POLDIP3: variants seen among roughly 807,000 people sequenced by gnomAD.
The protein encoded by POLDIP3 is DNA polymerase delta interacting protein 3, also known as polymerase delta-interacting protein 3.
In POLDIP3, 14 loss-of-function variants were observed where a neutral mutation model predicts 45.1. That is an observed-to-expected ratio of 0.31 (90% CI 0.20 to 0.49). POLDIP3 has a LOEUF of 0.49. Among genes scored for constraint, POLDIP3 ranks in the 20% least tolerant of loss-of-function variants. The probability of loss-of-function intolerance (pLI) is 0.99; values close to 1 mark genes in which losing one functional copy is unlikely to be tolerated. For synonymous variants in POLDIP3, 223 were observed against 205.2 expected (o/e 1.09, Z -0.74); for missense variants, 511 against 538.8 (o/e 0.95, Z 0.51).
chr22:42,585,587 G>C lies in POLDIP3; in HGVS notation c.*204C>G. On this transcript the variant is annotated 3_prime_UTR_variant, in exon 9 of 9. Coordinates refer to ENST00000252115, the MANE Select transcript of POLDIP3 (RefSeq NM_032311.5). ...CGATGAGATGAAGAAACATACTACAGGAAACGTTAACGTAGAGAGAAGAGC... is the reference window on the plus strand; with the variant it reads ...CGATGAGATGAAGAAACATACTACACGAAACGTTAACGTAGAGAGAAGAGC... 1 of 599,590 alleles carries C rather than the reference G, an allele frequency of 1.7e-6. No homozygotes were observed. Among genetic ancestry groups the C allele is most frequent in the Non-Finnish European group, 2.9e-6 (1 of 342,088 alleles). 37.1% of individuals were successfully genotyped at this position (599,590 alleles called of 1,614,324 possible). A position where few individuals can be genotyped will look rare whatever the true frequency, so the allele number is the denominator to read the frequency against.
chr22:42,602,664 A>C (rs1426290178), intron 2 of POLDIP3, 106 bp downstream of exon 2: 1 of 1,313,406 alleles, frequency 7.6e-7, no homozygotes, highest in Non-Finnish European at 1.0e-6. Flanking sequence ...TATTATGCCA[A>C]CACTTGAGAG....
intron 7 of POLDIP3, among the ~76,000 whole-genome samples, chr22:42,588,677 G>A (rs1925475904): frequency 1.4e-5 from 2 of 147,284 alleles, no homozygotes; most frequent in Non-Finnish European, 3.0e-5. Flanking sequence ...TGCCCAGGCT[G>A]GAGGGCAATG....
chr22:42,601,491 G>C (rs1387036223), intron 3 of POLDIP3, among the ~76,000 whole-genome samples: 1 of 152,032 alleles, frequency 6.6e-6, no homozygotes, highest in Non-Finnish European at 1.5e-5. Flanking sequence ...GGCTGGGTGT[G>C]GTGGCTCACG....
intron 3 of POLDIP3, among the ~76,000 whole-genome samples, chr22:42,600,953 G>A (rs1285212897): frequency 6.6e-6 from 1 of 151,862 alleles, no homozygotes; most frequent in Admixed American, 6.6e-5. Context: ...AAATTAGCCA[G>A]ATGTGGTGGT....
Position 42,595,734 on chromosome 22 carries a change from CA to C in POLDIP3, c.814-121del, listed in dbSNP as rs1925944545. 5 of 840,956 alleles carry C rather than the reference CA, an allele frequency of 5.9e-6. No individual in the cohort carries two copies. The Admixed American group carries it at 1.0e-4, about 17-fold the overall frequency. 52.1% of individuals were successfully genotyped at this position (840,956 alleles called of 1,614,324 possible). ...AGGAAAGCTCCATGGAGAGTTACCA[CA>C]AATGGGCCCCCTGAACTTCAGTGTC... On this transcript the variant is annotated intron_variant, in intron 5 of 8. Transcript: ENST00000252115.
chr22:42,589,089 A>G (rs1925502325), intron 7 of POLDIP3, among the ~76,000 whole-genome samples: 1 of 152,074 alleles, frequency 6.6e-6, no homozygotes, highest in South Asian at 2.1e-4. Context: ...TAAAAATACT[A>G]AAAATTAGCT....
chr22:42,594,982 T>C (rs1024655617), intron 6 of POLDIP3, among the ~76,000 whole-genome samples: 2 of 152,210 alleles, frequency 1.3e-5, no homozygotes, highest in African/African-American at 4.8e-5. Flanking sequence ...GGCTAGAAGC[T>C]GTGCAGAAGA....
In POLDIP3 at chr22:42,584,463, A is replaced by G. The variant is rs1925170787; in HGVS notation, c.*1328T>C. On this transcript the variant is annotated 3_prime_UTR_variant, in exon 9 of 9. Coordinates refer to ENST00000252115, the MANE Select transcript of POLDIP3 (RefSeq NM_032311.5). Reference sequence around the variant, plus strand: ...TTGGGAGCTCTTGAGTATCTTCGGCATGTGCCTTTTCCAGCACTTGCTACT... The same window carrying G: ...TTGGGAGCTCTTGAGTATCTTCGGCGTGTGCCTTTTCCAGCACTTGCTACT... 1 of 171,494 alleles carries G rather than the reference A, an allele frequency of 5.8e-6. No individual in the cohort carries two copies. 10.6% of individuals were successfully genotyped at this position (171,494 alleles called of 1,614,324 possible). A position where few individuals can be genotyped will look rare whatever the true frequency, so the allele number is the denominator to read the frequency against.
chr22:42,596,492 G>C, intron 4 of POLDIP3, 127 bp from the exon 5 acceptor site: 2 of 969,810 alleles, frequency 2.1e-6, no homozygotes, highest in Non-Finnish European at 3.0e-6. Flanking sequence ...TTCTATTAGA[G>C]GTCTGGAGCC....
At chr22:42,611,845 C>G (rs1927138968) in intron 1 of POLDIP3, among the ~76,000 whole-genome samples, 1 of 152,102 alleles carries the variant, frequency 6.6e-6, no homozygotes, top group Admixed American at 6.6e-5. Context: ...CCATTGCACT[C>G]CAGCCTGGGC....
intron 1 of POLDIP3, among the ~76,000 whole-genome samples, chr22:42,606,000 G>A (rs1036659804): frequency 3.9e-5 from 6 of 152,160 alleles, no homozygotes; most frequent in African/African-American, 1.4e-4. Context: ...AAATTAGCCA[G>A]ACGTGGTGGC....
Position 42,585,503 on chromosome 22 carries a change from A to C in POLDIP3, c.*288T>G. 1 of 431,548 alleles carries C rather than the reference A, an allele frequency of 2.3e-6. No homozygotes were observed. Among genetic ancestry groups the C allele is most frequent in the South Asian group, 2.3e-5 (1 of 44,156 alleles). The allele number at this position is 431,548 out of a possible 1,614,324, so 26.7% of individuals were successfully genotyped here. A position where few individuals can be genotyped will look rare whatever the true frequency, so the allele number is the denominator to read the frequency against. On this transcript the variant is annotated 3_prime_UTR_variant, in exon 9 of 9. Coordinates refer to ENST00000252115, the MANE Select transcript of POLDIP3 (RefSeq NM_032311.5). ...TTCAGTGTACCATTTCCAGATAAGAAATCAGCTTGGGGCTGAGGCTCGGGG... is the reference window on the plus strand; with the variant it reads ...TTCAGTGTACCATTTCCAGATAAGACATCAGCTTGGGGCTGAGGCTCGGGG...
intron 1 of POLDIP3, among the ~76,000 whole-genome samples, chr22:42,610,776 T>C (rs1031315599): frequency 2.6e-5 from 4 of 152,118 alleles, no homozygotes; most frequent in African/African-American, 4.8e-5. Flanking sequence ...CATGATGGCA[T>C]ATGCCTGTGG....
chr22:42,599,439 A>G (rs6002810), intron 4 of POLDIP3, among the ~76,000 whole-genome samples: 8,785 of 152,238 alleles, frequency 0.058, 869 homozygotes, highest in African/African-American at 0.2. Flanking sequence ...CCTCATCTCT[A>G]CTAAAAATAC....
chr22:42,590,965 T>C (rs1925628379), intron 7 of POLDIP3, among the ~76,000 whole-genome samples: 1 of 151,898 alleles, frequency 6.6e-6, no homozygotes, highest in Admixed American at 6.6e-5. Flanking sequence ...TCCCAGCTAC[T>C]TGGGAGGCTG....
chr22:42,596,612 C>G (rs928645908), intron 4 of POLDIP3, among the ~76,000 whole-genome samples: 7 of 152,202 alleles, frequency 4.6e-5, no homozygotes, highest in African/African-American at 1.4e-4. Flanking sequence ...GTGCTAGAAG[C>G]TCTTGGCAGG....
chr22:42,594,831 GA>G (rs1925885197), intron 6 of POLDIP3, among the ~76,000 whole-genome samples: 1 of 152,284 alleles, frequency 6.6e-6, no homozygotes, highest in East Asian at 1.9e-4. Flanking sequence ...TTTCACTTTG[GA>G]ATCATCTTGT....
At chr22:42,592,430 G>C (rs1031911439) in intron 6 of POLDIP3, among the ~76,000 whole-genome samples, 5 of 152,230 alleles carry the variant, frequency 3.3e-5, no homozygotes, top group African/African-American at 1.2e-4. Flanking sequence ...TGTATACAAA[G>C]AAAGACAGCT....
At chr22:42,602,146 C>G in intron 2 of POLDIP3, 90 bp from the exon 3 acceptor site, 6 of 1,595,518 alleles carry the variant, frequency 3.8e-6, no homozygotes, top group Non-Finnish European at 5.1e-6. Context: ...ACATGGTGGG[C>G]ATGCAGCTTT....
Sources: allele counts gnomAD v4.1 joint callset (sites outside exome capture counted in the v4.1 genomes callset), GRCh38; gene constraint gnomAD v4.1.1; transcripts MANE v1.5; gene names NCBI Gene and HGNC (gene_info 2026-07-23, HGNC 2026-07-21).